The following FAM117A variants were observed in gnomAD, a reference collection of about 807,000 sequenced individuals.
FAM117A encodes the protein family with sequence similarity 117 member A, also known as protein FAM117A.
Under a neutral mutation model 44.1 loss-of-function variants are expected in FAM117A, and 21 were observed. The observed-to-expected ratio is 0.48, with a 90% confidence interval of 0.34 to 0.69. The LOEUF (loss-of-function observed/expected upper bound fraction) is 0.69, where lower values mean the gene tolerates loss of function less well. Ranked by LOEUF, FAM117A falls within the 30% of genes least tolerant of loss-of-function variation. The pLI, the probability that FAM117A is intolerant of heterozygous loss-of-function variation, is 0.01. For synonymous variants in FAM117A, 220 were observed against 238.3 expected, an observed-to-expected ratio of 0.92 and a Z score of 0.71; for missense variants, 498 against 589.9, an observed-to-expected ratio of 0.84 and a Z score of 1.61.
At chr17:49,755,033 C>T (rs968311065) in intron 1 of FAM117A, among the ~76,000 whole-genome samples, 4 of 136,908 alleles carry the variant, frequency 2.9e-5, no homozygotes, top group South Asian at 2.3e-4. Flanking sequence ...AGTGAAACTC[C>T]GTCTCAAAAA....
chr17:49,775,729 C>CTA (rs766062292), intron 1 of FAM117A, among the ~76,000 whole-genome samples: 25 of 152,272 alleles, frequency 1.6e-4, no homozygotes, highest in Non-Finnish European at 2.8e-4. Context: ...GCCTGGTAGT[C>CTA]TACAAAGTAG....
chr17:49,755,146 A>AG (rs1196314950), intron 1 of FAM117A, among the ~76,000 whole-genome samples: 1 of 151,960 alleles, frequency 6.6e-6, no homozygotes, highest in East Asian at 1.9e-4. Context: ...GTAAGTGTCC[A>AG]GGGCCTGCGA....
intron 1 of FAM117A, among the ~76,000 whole-genome samples, chr17:49,784,681 T>C (rs552501866): frequency 1.6e-4 from 25 of 152,354 alleles, no homozygotes; most frequent in African/African-American, 5.5e-4. Flanking sequence ...TCACGTCTTT[T>C]ATGAATCCTT....
chr17:49,732,266 G>A (rs1330403304), intron 2 of FAM117A: 5 of 249,252 alleles, frequency 2.0e-5, no homozygotes, highest in Non-Finnish European at 4.0e-5. Flanking sequence ...TTAGCAGGGC[G>A]TGGTAGCAGG....
rs1767409584 is a variant in FAM117A at position 49,720,537 on chromosome 17, T to TG, written c.463-102_463-101insC. ...GGCTCCTGGCAGAGGCCCATGAAGA[T>TG]ATATACAAGGAGGATGGAAGTTAAT... is the stretch of plus-strand genomic sequence containing the variant. On this transcript the variant is annotated intron_variant, in intron 3 of 7. Transcript: ENST00000240364. 3.7e-6 allele frequency: 3 copies of TG among 821,918 alleles called. No homozygotes were observed. The East Asian group carries it at 7.4e-5, about 20-fold the overall frequency. 50.9% of individuals were successfully genotyped at this position (821,918 alleles called of 1,614,324 possible).
chr17:49,777,193 G>T (rs1249418163), intron 1 of FAM117A, among the ~76,000 whole-genome samples: 1 of 152,156 alleles, frequency 6.6e-6, no homozygotes, highest in African/African-American at 2.4e-5. Flanking sequence ...TGCCTGGCAG[G>T]GAGCCTCAGG....
At chr17:49,737,511 C>T (rs2073616157) in intron 1 of FAM117A, among the ~76,000 whole-genome samples, 1 of 152,120 alleles carries the variant, frequency 6.6e-6, no homozygotes, top group Non-Finnish European at 1.5e-5. Context: ...ATCACTGTTT[C>T]GAAGGAAAAG....
At chr17:49,728,786 C>G (rs954085473) in intron 2 of FAM117A, among the ~76,000 whole-genome samples, 3 of 152,228 alleles carry the variant, frequency 2.0e-5, no homozygotes, top group African/African-American at 7.2e-5. Flanking sequence ...GTGGCCAGCT[C>G]TAGTTTACCA....
upstream of FAM117A, among the ~76,000 whole-genome samples, chr17:49,767,063 G>A (rs968963635): frequency 1.3e-5 from 2 of 152,188 alleles, no homozygotes; most frequent in African/African-American, 4.8e-5. Flanking sequence ...CCTAGCTGGA[G>A]GAGTGAGAAG....
At chr17:49,773,357 C>G (rs1286628427) in intron 1 of FAM117A, 1 of 148,910 alleles carries the variant, frequency 6.7e-6, no homozygotes, top group Non-Finnish European at 1.5e-5. Flanking sequence ...ATCCCAGCTA[C>G]TCAGGAGGCT....
At chr17:49,713,769 G>A (rs1212793084) in intron 7 of FAM117A, among the ~76,000 whole-genome samples, 2 of 152,108 alleles carry the variant, frequency 1.3e-5, no homozygotes, top group East Asian at 1.9e-4. Context: ...GCTTCCCAAA[G>A]TGCTGGAATT....
Position 49,711,531 on chromosome 17 carries a change from G to C in FAM117A, c.1086C>G (p.Phe362Leu). 6.2e-7 allele frequency: 1 copy of C among 1,614,066 alleles called. No individual in the cohort carries two copies. The highest frequency in any genetic ancestry group is 8.5e-7 in the Non-Finnish European group (1 of 1,180,030). Residue 362 changes from phenylalanine (F) to leucine (L), a missense_variant, in exon 8 of 8, where the codon TTC becomes TTG. Phe to Leu is a conservative substitution (Grantham distance 22, BLOSUM62 0). Around this residue, in one of 3 missense-constraint regions of FAM117A, gnomAD observed 224 missense variants for 296.5 expected, o/e 0.76. Coordinates refer to ENST00000240364, the MANE Select transcript of FAM117A (RefSeq NM_030802.4). ...EATSPGPDLAFLTSCPDKNKV... is the reference protein window; with the variant it reads ...EATSPGPDLALLTSCPDKNKV... The stretch of plus-strand genomic sequence containing the variant: ...TGTTCTTGTCAGGACAGGAAGTCAG[G>C]AAGGCCAGGTCAGGACCTGGAGACC...
chr17:49,720,250 C>G (rs2073527078), intron 4 of FAM117A, 76 bp downstream of exon 4: 1 of 1,191,972 alleles, frequency 8.4e-7, no homozygotes. Flanking sequence ...GTTCCAAGAC[C>G]CAGGAAACCT....
intron 1 of FAM117A, among the ~76,000 whole-genome samples, chr17:49,785,775 T>C (rs2073803877): frequency 6.6e-6 from 1 of 152,196 alleles, no homozygotes; most frequent in South Asian, 2.1e-4. Flanking sequence ...CCTACTACCT[T>C]ACAAAGAATG....
Position 49,711,720 on chromosome 17 carries a change from T to A in FAM117A, c.1062-165A>T, listed in dbSNP as rs77467424. 0.13 allele frequency among the ~76,000 whole-genome samples: 19,855 copies of A among 151,942 alleles called. 2,069 individuals carry two copies. Among genetic ancestry groups the A allele is most frequent in the East Asian group, 0.53 (2,747 of 5,154 alleles). Reference sequence around the variant, plus strand: ...ACCAAGCCCCTCATCTCTCTATTTTTAAAAAAATATGGCTAAACAACGGGA... The same window carrying A: ...ACCAAGCCCCTCATCTCTCTATTTTAAAAAAAATATGGCTAAACAACGGGA... On this transcript the variant is annotated intron_variant, in intron 7 of 7. Coordinates refer to ENST00000240364, the MANE Select transcript of FAM117A (RefSeq NM_030802.4).
At chr17:49,768,764 G>A (rs1201453173), upstream of FAM117A, among the ~76,000 whole-genome samples, 2 of 152,120 alleles carry the variant, frequency 1.3e-5, no homozygotes, top group Non-Finnish European at 2.9e-5. Flanking sequence ...TCCCACTCTG[G>A]TGCCTCCCTC....
chr17:49,711,066 G>A lies in FAM117A; in HGVS notation c.*189C>T. 1.8e-6 allele frequency: 1 copy of A among 562,392 alleles called. No individual in the cohort carries two copies. The highest frequency in any genetic ancestry group is 3.1e-6 in the Non-Finnish European group (1 of 324,322). The allele number at this position is 562,392 out of a possible 1,614,324, so 34.8% of individuals were successfully genotyped here. A position where few individuals can be genotyped will look rare whatever the true frequency, so the allele number is the denominator to read the frequency against. On this transcript the variant is annotated 3_prime_UTR_variant, in exon 8 of 8. Coordinates refer to ENST00000240364, the MANE Select transcript of FAM117A (RefSeq NM_030802.4). ...TGCCCAGCTACTAGTGGAGAAGGCA[G>A]GTCCCATCACGTTCAGAGGGGCCGG... is the stretch of plus-strand genomic sequence containing the variant.
At chr17:49,782,612 C>A (rs539132901) in intron 1 of FAM117A, among the ~76,000 whole-genome samples, 1 of 150,856 alleles carries the variant, frequency 6.6e-6, no homozygotes, top group East Asian at 2.0e-4. Flanking sequence ...ATCGCTTGAA[C>A]CCGGGAGGCA....
chr17:49,786,292 C>T (rs2073805581), intron 1 of FAM117A, among the ~76,000 whole-genome samples: 1 of 152,152 alleles, frequency 6.6e-6, no homozygotes, highest in African/African-American at 2.4e-5. Flanking sequence ...TAACGTCGAA[C>T]ATCTGTAATG....
Sources: allele counts gnomAD v4.1 joint callset (sites outside exome capture counted in the v4.1 genomes callset), GRCh38; gene constraint gnomAD v4.1.1; regional missense constraint gnomAD v4.1.1; transcripts MANE v1.5; gene names NCBI Gene and HGNC (gene_info 2026-07-23, HGNC 2026-07-21).